Variants in LHFPL3 observed in about 807,000 individuals in gnomAD.
LHFPL3 encodes the protein LHFPL tetraspan subfamily member 3, also known as LHFPL tetraspan subfamily member 3 protein.
LHFPL3 carries 5 observed loss-of-function variants against 19.3 expected under a neutral mutation model. The observed-to-expected ratio is 0.26, with a 90% CI of 0.14 to 0.54. The LOEUF is 0.54. LHFPL3 is among the 20% of genes least tolerant of loss of function. The probability of loss-of-function intolerance (pLI) is 0.94; values close to 1 mark genes in which losing one functional copy is unlikely to be tolerated. For missense variants in LHFPL3, 249 were observed against 307.4 expected (o/e 0.81, Z 1.42); for synonymous variants, 133 against 126.2 (o/e 1.05, Z -0.36).
At chr7:104,784,652 C>A (rs1018578768) in intron 2 of LHFPL3, among the ~76,000 whole-genome samples, 1 of 152,212 alleles carries the variant, frequency 6.6e-6, no homozygotes, top group Non-Finnish European at 1.5e-5. Context: ...ATTTGTACAT[C>A]CATGTTCACT....
chr7:104,722,798 G>A (rs779793307), intron 1 of LHFPL3, among the ~76,000 whole-genome samples: 1 of 152,130 alleles, frequency 6.6e-6, no homozygotes, highest in African/African-American at 2.4e-5. Flanking sequence ...AGAGCTAAGC[G>A]GATGCAGGTT....
At chr7:104,428,068 A>G (rs1408346556) in intron 1 of LHFPL3, among the ~76,000 whole-genome samples, 1 of 152,220 alleles carries the variant, frequency 6.6e-6, no homozygotes, top group Non-Finnish European at 1.5e-5. Context: ...GGTAATGGTA[A>G]CATTTCACCT....
intron 1 of LHFPL3, among the ~76,000 whole-genome samples, chr7:104,330,919 A>G (rs1041662259): frequency 6.6e-6 from 1 of 152,220 alleles, no homozygotes; most frequent in Non-Finnish European, 1.5e-5. Context: ...TTGACCCTGC[A>G]CAGCTAATTT....
intron 2 of LHFPL3, among the ~76,000 whole-genome samples, chr7:104,817,657 G>A (rs1289894663): frequency 6.6e-6 from 1 of 152,106 alleles, no homozygotes; most frequent in African/African-American, 2.4e-5. Flanking sequence ...GAACTCAGGG[G>A]CCTTTCCTGA....
At chr7:104,759,925 G>A (rs1794346065) in intron 2 of LHFPL3, 1 of 152,250 alleles carries the variant, frequency 6.6e-6, no homozygotes, top group South Asian at 2.1e-4. Context: ...GCAAGGCTGG[G>A]AAGGAACTCA....
chr7:104,861,021 G>A (rs772672128), intron 2 of LHFPL3, among the ~76,000 whole-genome samples: 1 of 152,124 alleles, frequency 6.6e-6, no homozygotes, highest in Non-Finnish European at 1.5e-5. Flanking sequence ...ATGCAATTAG[G>A]TGCTATTTAT....
At chr7:104,522,381 C>T (rs1046272449) in intron 1 of LHFPL3, among the ~76,000 whole-genome samples, 8 of 81,308 alleles carry the variant, frequency 9.8e-5, no homozygotes. Flanking sequence ...ACTCTGGGGA[C>T]TGTTGTGGGG....
intron 2 of LHFPL3, among the ~76,000 whole-genome samples, chr7:104,820,798 C>T (rs1321931337): frequency 1.3e-5 from 2 of 152,174 alleles, no homozygotes; most frequent in Admixed American, 1.3e-4. Flanking sequence ...TGGCTATATC[C>T]TCTGCAGAGG....
intron 1 of LHFPL3, among the ~76,000 whole-genome samples, chr7:104,613,646 C>A (rs1478963590): frequency 1.3e-5 from 2 of 152,160 alleles, no homozygotes; most frequent in Admixed American, 6.6e-5. Context: ...GCCTAGATAA[C>A]TAATTTTCAG....
At chr7:104,387,572 A>G (rs1790972679) in intron 1 of LHFPL3, among the ~76,000 whole-genome samples, 1 of 152,160 alleles carries the variant, frequency 6.6e-6, no homozygotes, top group African/African-American at 2.4e-5. Flanking sequence ...GACATCATCA[A>G]GCATACCAAT....
intron 1 of LHFPL3, among the ~76,000 whole-genome samples, chr7:104,584,755 A>G (rs952885147): frequency 1.4e-4 from 21 of 152,162 alleles, no homozygotes; most frequent in African/African-American, 3.9e-4. Context: ...AGTAAAACCC[A>G]TAAGTCGTCA....
intron 1 of LHFPL3, among the ~76,000 whole-genome samples, chr7:104,528,565 G>A (rs1584382371): frequency 6.6e-6 from 1 of 152,206 alleles, no homozygotes; most frequent in South Asian, 2.1e-4. Flanking sequence ...AATGAACAAG[G>A]CAAACCACCT....
At chr7:104,867,810 A>T (rs1791756969) in intron 2 of LHFPL3, among the ~76,000 whole-genome samples, 1 of 152,214 alleles carries the variant, frequency 6.6e-6, no homozygotes, top group South Asian at 2.1e-4. Context: ...CCTGATGAAC[A>T]TCGATGAAAA....
At chr7:104,732,394 A>G (rs1166232526) in intron 1 of LHFPL3, among the ~76,000 whole-genome samples, 2 of 152,168 alleles carry the variant, frequency 1.3e-5, no homozygotes, top group African/African-American at 2.4e-5. Context: ...TATTGCCTCA[A>G]TGACAGAGCC....
At chr7:104,823,779 A>G (rs1790724117) in intron 2 of LHFPL3, among the ~76,000 whole-genome samples, 2 of 152,074 alleles carry the variant, frequency 1.3e-5, no homozygotes, top group Admixed American at 6.6e-5. Flanking sequence ...ATCAACCTCC[A>G]CATTTGCTGA....
chr7:104,696,603 G>A (rs938182085), intron 1 of LHFPL3, among the ~76,000 whole-genome samples: 1 of 152,112 alleles, frequency 6.6e-6, no homozygotes, highest in Non-Finnish European at 1.5e-5. Context: ...ATGTAAGCAA[G>A]TGTAAGTGCC....
chr7:104,808,988 T>C (rs1307412885), intron 2 of LHFPL3, among the ~76,000 whole-genome samples: 1 of 146,972 alleles, frequency 6.8e-6, no homozygotes, highest in Admixed American at 6.9e-5. Context: ...CTCCATCTCC[T>C]GGGTTTAAGC....
Position 104,328,654 on chromosome 7 carries a change from T to G in LHFPL3, c.-126T>G, listed in dbSNP as rs929541783. ...AGGATGCAGACTCTGAAACTGGTGC[T>G]GCTGGGCTGAGGCGGAGGCAGGGGA... is the stretch of plus-strand genomic sequence containing the variant. On this transcript the variant is annotated 5_prime_UTR_variant, in exon 1 of 3. Coordinates refer to ENST00000424859, the MANE Select transcript of LHFPL3 (RefSeq NM_199000.3). This position sits in a 1 kb window ranked among gnomAD's most constrained non-coding sequence, Gnocchi z 4.6. 12 of 809,178 alleles carry G rather than the reference T, an allele frequency of 1.5e-5. No homozygotes were observed. The African/African-American group carries it at 1.7e-4, about 11-fold the overall frequency. 50.1% of individuals were successfully genotyped at this position (809,178 alleles called of 1,614,324 possible).
At chr7:104,497,469 A>G (rs1210310707) in intron 1 of LHFPL3, among the ~76,000 whole-genome samples, 1 of 152,090 alleles carries the variant, frequency 6.6e-6, no homozygotes, top group African/African-American at 2.4e-5. Flanking sequence ...AATAAAGCCA[A>G]CTGGAATCCA....
Sources: allele counts gnomAD v4.1 joint callset (sites outside exome capture counted in the v4.1 genomes callset), GRCh38; gene constraint gnomAD v4.1.1; non-coding constraint Gnocchi (gnomAD v3.1); transcripts MANE v1.5; gene names NCBI Gene and HGNC (gene_info 2026-07-23, HGNC 2026-07-21).